IGDCC4: variants seen among roughly 807,000 people sequenced by gnomAD.
The protein encoded by IGDCC4 is immunoglobulin superfamily DCC subclass member 4.
In IGDCC4, 72 loss-of-function variants were observed where a neutral mutation model predicts 116.6. That is an observed-to-expected ratio of 0.62 (90% CI 0.51 to 0.75). The LOEUF is 0.75. Ranked by LOEUF, IGDCC4 falls within the 30% of genes least tolerant of loss-of-function variation. The pLI is 0.00. For synonymous variants in IGDCC4, 709 were observed against 719.9 expected (o/e 0.98, Z 0.24); for missense variants, 1,501 against 1,662.4 (o/e 0.90, Z 1.69).
Position 65,393,565 on chromosome 15 carries a change from C to T in IGDCC4, c.1715-34G>A. ...ACAGAAAAGGTGGGCTGCTGGGTAG[C>T]CACCTGAGGAACAGGATCCTAAACC... On this transcript the variant is annotated intron_variant, in intron 9 of 19. Coordinates refer to ENST00000352385, the MANE Select transcript of IGDCC4 (RefSeq NM_020962.3). The surrounding 1 kb of genome is among the most constrained non-coding windows in gnomAD (Gnocchi z 4.6). 1 of 1,562,602 alleles carries T rather than the reference C, an allele frequency of 6.4e-7. No individual in the cohort carries two copies. Among genetic ancestry groups the T allele is most frequent in the South Asian group, 1.2e-5 (1 of 82,596 alleles).
intron 1 of IGDCC4, among the ~76,000 whole-genome samples, chr15:65,415,764 T>C (rs955858968): frequency 6.6e-6 from 1 of 152,204 alleles, no homozygotes; most frequent in African/African-American, 2.4e-5. Flanking sequence ...TCTGCCTCTG[T>C]GCTCAACCTG....
chr15:65,418,829 G>C (rs571430907), intron 1 of IGDCC4, among the ~76,000 whole-genome samples: 2 of 152,058 alleles, frequency 1.3e-5, no homozygotes, highest in Non-Finnish European at 2.9e-5. Context: ...AGGTGGGGGG[G>C]GTTAAGTGGA....
At position 65,421,574 on chromosome 15, in the gene IGDCC4, C is replaced by T. The variant is rs574983260; in HGVS notation, c.70+1219G>A. 5.3e-5 allele frequency among the ~76,000 whole-genome samples: 8 copies of T among 152,288 alleles called. No homozygotes were observed. The East Asian group carries it at 1.4e-3, about 26-fold the overall frequency. On this transcript the variant is annotated intron_variant, in intron 1 of 19. Coordinates refer to ENST00000352385, the MANE Select transcript of IGDCC4 (RefSeq NM_020962.3). ...CTGTTTGGTTTTCCTGGAGATGGGC[C>T]TGGGGCTGGCCAGGCGGAGGCTCCT...
Position 65,384,572 on chromosome 15 carries a change from T to C in IGDCC4, c.3343-153A>G, listed in dbSNP as rs539978964. Among the ~76,000 whole-genome samples, 4 of 152,266 alleles carry C rather than the reference T, an allele frequency of 2.6e-5. No homozygotes were observed. Among genetic ancestry groups the C allele is most frequent in the African/African-American group, 7.2e-5 (3 of 41,542 alleles). ...GATACACAGGAACTGTTCGAACCTA[T>C]ACAAAGGCAGGGAATGATGGAATAC... On this transcript the variant is annotated intron_variant, in intron 19 of 19. Transcript: ENST00000352385. This position sits in a 1 kb window ranked among gnomAD's most constrained non-coding sequence, Gnocchi z 4.9.
rs1490669929 is a variant in IGDCC4 at position 65,386,075 on chromosome 15, G to GA, written c.2952-17dup. 1 of 1,452,280 alleles carries GA rather than the reference G, an allele frequency of 6.9e-7. No individual in the cohort carries two copies. Among genetic ancestry groups the GA allele is most frequent in the African/African-American group, 1.4e-5 (1 of 69,748 alleles). 90.0% of individuals were successfully genotyped at this position (1,452,280 alleles called of 1,614,324 possible). On this transcript the variant is annotated splice_polypyrimidine_tract_variant and intron_variant, in intron 17 of 19. Coordinates refer to ENST00000352385, the MANE Select transcript of IGDCC4 (RefSeq NM_020962.3). ...GAGGGATTCCCTGGAAGGGAAGACGGAAAACAAGGCATAGCGGTCAGAGTA... is the reference window on the plus strand; with the variant it reads ...GAGGGATTCCCTGGAAGGGAAGACGGAAAAACAAGGCATAGCGGTCAGAGTA...
chr15:65,410,162 C>T lies in IGDCC4; in HGVS notation c.563+16G>A. 6.2e-7 allele frequency: 1 copy of T among 1,611,862 alleles called. No individual in the cohort carries two copies. The highest frequency in any genetic ancestry group is 8.5e-7 in the Non-Finnish European group (1 of 1,179,944). ...TGCCCTGCCTACCAGGACCCGCTCC[C>T]CTACAGGGCACTCACCGAGGCTCCT... On this transcript the variant is annotated intron_variant, in intron 3 of 19. Coordinates refer to ENST00000352385, the MANE Select transcript of IGDCC4 (RefSeq NM_020962.3).
At position 65,393,425 on chromosome 15, in the gene IGDCC4, G is replaced by A. The variant is rs371701334; in HGVS notation, c.1821C>T (p.Ala607=). The A allele has an allele frequency of 5.6e-6, 9 of 1,613,556 alleles. No homozygotes were observed. The highest frequency in any genetic ancestry group is 1.7e-5 in the Admixed American group (1 of 59,932). Residue 607 remains alanine (A), a synonymous_variant, in exon 10 of 20, where the codon GCC becomes GCT. Transcript: ENST00000352385. The surrounding 1 kb of genome is among the most constrained non-coding windows in gnomAD (Gnocchi z 4.6). ...YRVRISAGTA[A]GFGAPSQWMH... is the part of the protein sequence containing the mutation. The stretch of plus-strand genomic sequence containing the variant: ...TCCACTGGGAGGGGGCCCCGAAGCC[G>A]GCTGCTGTACCAGCCGAAATCCGTA...
At position 65,384,330 on chromosome 15, in the gene IGDCC4, C is replaced by T; in HGVS notation, c.3432G>A (p.Gly1144=). 7.5e-6 allele frequency: 12 copies of T among 1,602,012 alleles called. No homozygotes were observed. The highest frequency in any genetic ancestry group is 1.1e-5 in the South Asian group (1 of 89,174). Residue 1144 remains glycine (G), a synonymous_variant, in exon 20 of 20, where the codon GGG becomes GGA. Transcript: ENST00000352385. The surrounding 1 kb of genome is among the most constrained non-coding windows in gnomAD (Gnocchi z 4.9). The part of the protein sequence containing the change: ...IVHSDFSASN[G]NPDLHLQDLE... The stretch of plus-strand genomic sequence containing the variant: ...GGTCTTGGAGATGGAGGTCAGGGTT[C>T]CCGTTAGATGCACTAAAGTCAGAGT...
At chr15:65,398,595 C>G (rs938034255) in intron 5 of IGDCC4, among the ~76,000 whole-genome samples, 1 of 136,862 alleles carries the variant, frequency 7.3e-6, no homozygotes. Flanking sequence ...GAAAACAAAA[C>G]AGGCCGGGAG....
Position 65,383,975 on chromosome 15 carries a change from C to T in IGDCC4, c.*34G>A, listed in dbSNP as rs772971265. The T allele has an allele frequency of 1.3e-6, 2 of 1,530,554 alleles. No individual in the cohort carries two copies. Among genetic ancestry groups the T allele is most frequent in the South Asian group, 2.6e-5 (2 of 78,110 alleles). The allele number at this position is 1,530,554 out of a possible 1,614,324, so 94.8% of individuals were successfully genotyped here. On this transcript the variant is annotated 3_prime_UTR_variant, in exon 20 of 20. Coordinates refer to ENST00000352385, the MANE Select transcript of IGDCC4 (RefSeq NM_020962.3). ...GGTATCGCATCCTATGTGATCCATA[C>T]CTGCCTGCCCCAAACCACATCCTCT... is the stretch of plus-strand genomic sequence containing the variant.
rs1555433705 is a variant in IGDCC4, at chr15:65,385,044, G to A, written c.3252C>T (p.Gly1084=). Residue 1084 remains glycine (G), a synonymous_variant, in exon 19 of 20, where the codon GGC becomes GGT. Transcript: ENST00000352385. ...SWAGCELPQA[G]PRPALTRALL... ...GGGCCCGGGTCAGAGCCGGCCGGGGGCCTGCCTGGGGCAGCTCACAGCCTG... is the reference window on the plus strand; with the variant it reads ...GGGCCCGGGTCAGAGCCGGCCGGGGACCTGCCTGGGGCAGCTCACAGCCTG... The A allele has an allele frequency of 3.7e-6, 6 of 1,603,580 alleles. No homozygotes were observed. The highest frequency in any genetic ancestry group is 1.7e-5 in the Admixed American group (1 of 57,484).
intron 6 of IGDCC4, 148 bp from the exon 7 acceptor site, chr15:65,396,311 ACTC>A (rs537310913): frequency 1.7e-5 from 14 of 801,776 alleles, no homozygotes; most frequent in Non-Finnish European, 2.8e-5. Flanking sequence ...TTTCCAAACT[ACTC>A]CGGCTCAGCG....
Position 65,388,359 on chromosome 15 carries a change from A to G in IGDCC4, c.2845+90T>C, listed in dbSNP as rs1238809638. On this transcript the variant is annotated intron_variant, in intron 16 of 19. Transcript: ENST00000352385. ...TCTGCCCCCACCAAACCTGGAGGAC[A>G]GCTGTGCAAAACAATGAAATTGTAG... 14 of 1,558,776 alleles carry G rather than the reference A, an allele frequency of 9.0e-6. No homozygotes were observed. The Middle Eastern group carries it at 6.8e-4, about 76-fold the overall frequency.
rs370537773 is a variant in IGDCC4, at chr15:65,391,872, G to T, written c.2224+8C>A. On this transcript the variant is annotated splice_region_variant and intron_variant, in intron 12 of 19. Transcript: ENST00000352385. ...GCCCTCCCCGCCTTCTTCCCCCACC[G>T]CCCTCACCTGGTGCCGGCGCCTTCT... The T allele has an allele frequency of 1.2e-6, 2 of 1,611,116 alleles. No individual in the cohort carries two copies. The highest frequency in any genetic ancestry group is 1.1e-5 in the South Asian group (1 of 90,980).
chr15:65,391,776 A>G (rs2091517181), intron 12 of IGDCC4, 104 bp downstream of exon 12: 2 of 990,612 alleles, frequency 2.0e-6, no homozygotes, highest in African/African-American at 1.6e-5. Context: ...AGCTGAGGCT[A>G]CTAAAGTACC....
intron 1 of IGDCC4, among the ~76,000 whole-genome samples, chr15:65,422,223 C>T (rs1189007101): frequency 6.6e-6 from 1 of 152,086 alleles, no homozygotes; most frequent in African/African-American, 2.4e-5. Context: ...TTATCACCAC[C>T]ACCCCCAGTC....
In IGDCC4 at chr15:65,395,151, A is replaced by T. The variant is rs199796932; in HGVS notation, c.1519T>A (p.Ser507Thr). The change falls in exon 8 of 20, where the codon TCC becomes ACC. Residue 507 changes from serine (S) to threonine (T), a missense_variant. Coordinates refer to ENST00000352385, the MANE Select transcript of IGDCC4 (RefSeq NM_020962.3). Reference sequence around the variant, plus strand: ...GAGGTGCGGCTGGCTCCCAGCTGGGAGTAGGCCACCACGTAGAACTCATAA... The same window carrying T: ...GAGGTGCGGCTGGCTCCCAGCTGGGTGTAGGCCACCACGTAGAACTCATAA... Reference protein sequence around the residue: ...TDYEFYVVAYSQLGASRTSTP... With the variant: ...TDYEFYVVAYTQLGASRTSTP... 6.2e-6 allele frequency: 10 copies of T among 1,613,710 alleles called. No homozygotes were observed. In the East Asian group the frequency reaches 2.2e-4, roughly 36 times the overall value.
chr15:65,413,160 A>G (rs2063114118), intron 1 of IGDCC4, among the ~76,000 whole-genome samples: 2 of 152,028 alleles, frequency 1.3e-5, no homozygotes, highest in Admixed American at 1.3e-4. Flanking sequence ...TTCCCCAACA[A>G]TGAACTAAGT....
intron 13 of IGDCC4, among the ~76,000 whole-genome samples, chr15:65,389,721 G>T (rs925752082): frequency 4.6e-5 from 7 of 152,208 alleles, no homozygotes; most frequent in Non-Finnish European, 1.0e-4. Context: ...TTGCCTTCAT[G>T]GCAGTTGTAT....
Sources: allele counts gnomAD v4.1 joint callset (sites outside exome capture counted in the v4.1 genomes callset), GRCh38; gene constraint gnomAD v4.1.1; non-coding constraint Gnocchi (gnomAD v3.1); transcripts MANE v1.5; gene names NCBI Gene and HGNC (gene_info 2026-07-23, HGNC 2026-07-21).